SHISA9: variants seen among roughly 807,000 people sequenced by gnomAD.
SHISA9 encodes protein shisa-9.
SHISA9 carries 13 observed loss-of-function variants against 38.0 expected under a neutral mutation model. The observed-to-expected ratio is 0.34, with a 90% CI of 0.22 to 0.54. The LOEUF is 0.54. SHISA9 is among the 20% of genes least tolerant of loss of function. The pLI is 0.91. For synonymous variants in SHISA9, 275 were observed against 242.0 expected, an observed-to-expected ratio of 1.14 and a Z score of -1.27; for missense variants, 538 against 575.8, an observed-to-expected ratio of 0.93 and a Z score of 0.67.
the SHISA9 span, among the ~76,000 whole-genome samples, chr16:13,380,263 C>T: frequency 2.6e-5 from 4 of 152,070 alleles, no homozygotes; most frequent in African/African-American, 9.7e-5. Flanking sequence ...CAAAAGATGT[C>T]CTTTCTAACC....
At chr16:13,465,227 C>T in the SHISA9 span, among the ~76,000 whole-genome samples, 1 of 152,342 alleles carries the variant, frequency 6.6e-6, no homozygotes, top group African/African-American at 2.4e-5. Flanking sequence ...TCTGCCCAAA[C>T]TCTGGCAACC....
the SHISA9 span, among the ~76,000 whole-genome samples, chr16:13,439,633 C>T: frequency 6.6e-6 from 1 of 152,176 alleles, no homozygotes; most frequent in Non-Finnish European, 1.5e-5. Context: ...TGGAAGAAAC[C>T]AAAAATGGCA....
the SHISA9 span, among the ~76,000 whole-genome samples, chr16:13,338,379 T>G: frequency 6.6e-6 from 1 of 152,196 alleles, no homozygotes; most frequent in African/African-American, 2.4e-5. Flanking sequence ...TCAGCGTCAT[T>G]CATGAATAAT....
rs532111853 is a variant in SHISA9 at position 13,207,475 on chromosome 16, A to T, written c.847+3926A>T. ...GAGCTTGTCTTTGACAAGAATAAAAAAAAAAGGAATAGCTTGGTTGTAAGG... is the reference window on the plus strand; with the variant it reads ...GAGCTTGTCTTTGACAAGAATAAAATAAAAAGGAATAGCTTGGTTGTAAGG... On this transcript the variant is annotated intron_variant, in intron 3 of 4. Coordinates refer to ENST00000558583, the MANE Select transcript of SHISA9 (RefSeq NM_001145204.3). Among the ~76,000 whole-genome samples, 327 of 152,320 alleles carry T rather than the reference A, an allele frequency of 2.1e-3. 2 individuals are homozygous for T. Among genetic ancestry groups the T allele is most frequent in the African/African-American group, 7.3e-3 (304 of 41,570 alleles).
At chr16:13,051,853 C>G (rs949681825) in intron 2 of SHISA9, among the ~76,000 whole-genome samples, 5 of 152,044 alleles carry the variant, frequency 3.3e-5, no homozygotes, top group Non-Finnish European at 7.4e-5. Flanking sequence ...CAACCTCTGC[C>G]TCCCCGGTTC....
At chr16:13,452,520 G>A in the SHISA9 span, among the ~76,000 whole-genome samples, 1 of 152,186 alleles carries the variant, frequency 6.6e-6, no homozygotes. Context: ...AAGGTGGGTA[G>A]GTGGAAGATG....
chr16:13,404,146 CT>C, the SHISA9 span, among the ~76,000 whole-genome samples: 1 of 152,162 alleles, frequency 6.6e-6, no homozygotes, highest in African/African-American at 2.4e-5. Context: ...CCCCCACCAC[CT>C]AAAATTCCCT....
At chr16:12,938,870 A>G (rs921311594) in intron 2 of SHISA9, among the ~76,000 whole-genome samples, 2 of 152,120 alleles carry the variant, frequency 1.3e-5, no homozygotes, top group Non-Finnish European at 2.9e-5. Flanking sequence ...AGGAGTCTGT[A>G]GTTTTCTCTC....
At chr16:13,336,596 C>A in the SHISA9 span, among the ~76,000 whole-genome samples, 2 of 152,158 alleles carry the variant, frequency 1.3e-5, no homozygotes, top group Non-Finnish European at 2.9e-5. Context: ...GGAAATAACT[C>A]ATTTGAAAGA....
intron 2 of SHISA9, among the ~76,000 whole-genome samples, chr16:13,073,435 A>C (rs572617370): frequency 6.6e-6 from 1 of 152,278 alleles, no homozygotes; most frequent in Non-Finnish European, 1.5e-5. Flanking sequence ...GTATTTGCCA[A>C]GGGCATTGAT....
the SHISA9 span, among the ~76,000 whole-genome samples, chr16:13,405,809 C>T: frequency 6.6e-6 from 1 of 151,880 alleles, no homozygotes; most frequent in African/African-American, 2.4e-5. Flanking sequence ...TGATTTTATT[C>T]TTTTTTATGG....
At chr16:13,269,932 C>T in the SHISA9 span, among the ~76,000 whole-genome samples, 7 of 152,142 alleles carry the variant, frequency 4.6e-5, no homozygotes, top group Non-Finnish European at 8.8e-5. Context: ...CTTTAAAGTT[C>T]CCCACTAGCG....
At chr16:13,049,178 G>A (rs894544198) in intron 2 of SHISA9, among the ~76,000 whole-genome samples, 1 of 151,508 alleles carries the variant, frequency 6.6e-6, no homozygotes, top group African/African-American at 2.4e-5. Flanking sequence ...GTGTGTGTGT[G>A]TGTGTGTGTG....
chr16:13,291,873 A>G, the SHISA9 span, among the ~76,000 whole-genome samples: 3 of 152,128 alleles, frequency 2.0e-5, no homozygotes, highest in African/African-American at 7.2e-5. Context: ...ACTGTGTAGG[A>G]GCCTTTATGA....
chr16:13,114,971 T>A (rs2074017357), intron 2 of SHISA9, among the ~76,000 whole-genome samples: 1 of 151,584 alleles, frequency 6.6e-6, no homozygotes, highest in East Asian at 1.9e-4. Flanking sequence ...TGTATCTATA[T>A]ATGTATCTAT....
chr16:13,347,659 T>C, the SHISA9 span, among the ~76,000 whole-genome samples: 5 of 152,266 alleles, frequency 3.3e-5, no homozygotes, highest in East Asian at 7.7e-4. Flanking sequence ...TGTAATTTAG[T>C]TTTTAGGGGC....
At chr16:13,162,470 A>G (rs1380501596) in intron 2 of SHISA9, among the ~76,000 whole-genome samples, 2 of 152,216 alleles carry the variant, frequency 1.3e-5, no homozygotes, top group South Asian at 2.1e-4. Context: ...ATTAGCATCA[A>G]TCACTGCGCT....
chr16:13,377,366 T>C, the SHISA9 span, among the ~76,000 whole-genome samples: 23 of 152,356 alleles, frequency 1.5e-4, no homozygotes, highest in African/African-American at 5.3e-4. Context: ...TTTTTTATCA[T>C]GTTTCCAGAT....
chr16:13,448,723 T>C, the SHISA9 span, among the ~76,000 whole-genome samples: 1 of 152,260 alleles, frequency 6.6e-6, no homozygotes, highest in Non-Finnish European at 1.5e-5. Flanking sequence ...GCCAGTATTA[T>C]TCTTCAGAGT....
Sources: gnomAD v4.1 joint callset for allele counts (sites outside exome capture counted in the v4.1 genomes callset) on GRCh38, gnomAD v4.1.1 for gene constraint, MANE v1.5 for transcripts, NCBI Gene and HGNC (gene_info 2026-07-23, HGNC 2026-07-21) for gene names.